The following LAMB1 variants were observed in gnomAD, a reference collection of about 807,000 sequenced individuals.
LAMB1 encodes laminin subunit beta-1.
Under a neutral mutation model 222.3 loss-of-function variants are expected in LAMB1, and 121 were observed. The observed-to-expected ratio is 0.54, with a 90% CI of 0.47 to 0.63. LAMB1 has a LOEUF of 0.63. Ranked by LOEUF, LAMB1 falls within the 30% of genes least tolerant of loss-of-function variation. The probability of loss-of-function intolerance (pLI) is 0.00; values close to 1 mark genes in which losing one functional copy is unlikely to be tolerated. For missense variants in LAMB1, 2,172 were observed against 2,240.8 expected, an observed-to-expected ratio of 0.97 and a Z score of 0.62; for synonymous variants, 794 against 807.2, an observed-to-expected ratio of 0.98 and a Z score of 0.28.
At chr7:107,969,102 C>A (rs2033692071) in intron 13 of LAMB1, among the ~76,000 whole-genome samples, 1 of 152,090 alleles carries the variant, frequency 6.6e-6, no homozygotes, top group Non-Finnish European at 1.5e-5. Context: ...TCCTGGCTAA[C>A]ACGGTGAAAC....
rs1379984543 is a variant in LAMB1, at chr7:108,001,618, C to T, written c.153G>A (p.Ser51=). ...TGTGCAGCCCGCACGTCGAGGTCAC[C>T]GAAAGCTTCTGTGCTCGGCCGATGA... The part of the protein sequence containing the change: ...DLLIGRAQKL[S]VTSTCGLHKP... The change falls in exon 3 of 34, where the codon TCG becomes TCA. Residue 51 remains serine, a synonymous_variant. Transcript: ENST00000222399. 6.2e-7 allele frequency: 1 copy of T among 1,613,178 alleles called. No individual in the cohort carries two copies. Among genetic ancestry groups the T allele is most frequent in the Non-Finnish European group, 8.5e-7 (1 of 1,179,816 alleles).
intron 2 of LAMB1, chr7:108,002,335 A>G (rs1476853229): frequency 7.6e-7 from 1 of 1,313,346 alleles, no homozygotes. Context: ...GGGGCTCTGG[A>G]GTGGTTTCAA....
intron 13 of LAMB1, among the ~76,000 whole-genome samples, chr7:107,971,674 G>A (rs139379415): frequency 1.5e-3 from 221 of 152,234 alleles, no homozygotes; most frequent in Non-Finnish European, 2.5e-3. Context: ...AGACAATTTT[G>A]CTTCCCAAAC....
intron 3 of LAMB1, 87 bp from the exon 4 acceptor site, chr7:107,998,579 C>A: frequency 8.7e-7 from 1 of 1,143,500 alleles, no homozygotes; most frequent in East Asian, 2.4e-5. Flanking sequence ...GCTCCTAATA[C>A]AAAAATCAAC....
chr7:107,960,359 G>C, intron 18 of LAMB1, 86 bp downstream of exon 18: 1 of 928,856 alleles, frequency 1.1e-6, no homozygotes, highest in Non-Finnish European at 1.7e-6. Context: ...CACAGGGCTA[G>C]GGGGTGGGCA....
chr7:107,975,147 AAAT>A lies in LAMB1; in HGVS notation c.1370-52_1370-50del, dbSNP rs577565061. The A allele has an allele frequency of 1.6e-4, 244 of 1,549,912 alleles. 2 individuals carry two copies. In the African/African-American group the frequency reaches 3.0e-3, roughly 19 times the overall value. On this transcript the variant is annotated intron_variant, in intron 11 of 33. Coordinates refer to ENST00000222399, the MANE Select transcript of LAMB1 (RefSeq NM_002291.3). ...GAGAAACACAGACCACGTGAGTTTC[AAAT>A]AATAATCTGGCTTTGGAATTACAAA...
intron 5 of LAMB1, among the ~76,000 whole-genome samples, chr7:107,986,596 TA>T (rs1479282662): frequency 6.6e-6 from 1 of 152,194 alleles, no homozygotes; most frequent in Non-Finnish European, 1.5e-5. Flanking sequence ...ACTGGATAAG[TA>T]AACTGTTTCT....
intron 27 of LAMB1, 180 bp from the exon 28 acceptor site, chr7:107,932,557 C>G: frequency 1.6e-6 from 1 of 610,040 alleles, no homozygotes; most frequent in African/African-American, 1.8e-5. Context: ...GTAAACTAAC[C>G]TGCTTATTTC....
rs2032731562 is a variant in LAMB1 at position 107,932,311 on chromosome 7, C to T, written c.4255G>A (p.Asp1419Asn). The T allele has an allele frequency of 3.1e-6, 5 of 1,614,088 alleles. No individual in the cohort carries two copies. Among genetic ancestry groups the T allele is most frequent in the Non-Finnish European group, 4.2e-6 (5 of 1,180,034 alleles). Residue 1419 changes from aspartate to asparagine, a missense_variant, in exon 28 of 34, where the codon GAC becomes AAC. Transcript: ENST00000222399. ...TECGGPNCRT[D>N]EGERKCGGPG... ...CCCCCACACTTCCTCTCTCCTTCGT[C>T]AGTTCTGCAGTTTGGCCCGCCACAT...
At chr7:107,971,102 T>C (rs1482493437) in intron 13 of LAMB1, among the ~76,000 whole-genome samples, 2 of 152,208 alleles carry the variant, frequency 1.3e-5, no homozygotes, top group Admixed American at 6.5e-5. Flanking sequence ...ACTTTTGTTG[T>C]ACTACCAAAA....
chr7:107,925,497 G>A (rs1357391042), intron 32 of LAMB1, among the ~76,000 whole-genome samples: 8 of 152,098 alleles, frequency 5.3e-5, no homozygotes, highest in African/African-American at 1.2e-4. Context: ...TTGTCTTCCA[G>A]GAAACTGGTC....
At chr7:107,982,950 G>A (rs537290027) in intron 7 of LAMB1, among the ~76,000 whole-genome samples, 9 of 152,260 alleles carry the variant, frequency 5.9e-5, no homozygotes, top group Admixed American at 2.0e-4. Context: ...CATCCTCCAA[G>A]TCCCACAAAT....
intron 25 of LAMB1, among the ~76,000 whole-genome samples, chr7:107,938,704 G>A (rs543346721): frequency 4.3e-4 from 65 of 152,124 alleles, no homozygotes; most frequent in Non-Finnish European, 6.9e-4. Flanking sequence ...GCTTGCATTC[G>A]GACCACGGCC....
In LAMB1 at chr7:107,960,536, C is replaced by A. The variant is rs754141476; in HGVS notation, c.2223G>T (p.Glu741Asp). The change falls in exon 18 of 34, where the codon GAG (glutamate) becomes GAT (aspartate). Residue 741 changes from glutamate to aspartate, a missense_variant. Physicochemically the swap from Glu to Asp is conservative, Grantham distance 45. Coordinates refer to ENST00000222399, the MANE Select transcript of LAMB1 (RefSeq NM_002291.3). Reference protein sequence around the residue: ...WETFQRYRCLENSRSVVKTPM... With the variant: ...WETFQRYRCLDNSRSVVKTPM... ...GTGTTTTCACAACGCTTCTGCTGTT[C>A]TCTAGACATCGGTATCTCTGAAAGG... The A allele has an allele frequency of 5.6e-6, 9 of 1,614,088 alleles. No individual in the cohort carries two copies. In the Admixed American group the frequency reaches 1.2e-4, roughly 21 times the overall value.
chr7:107,933,713 A>G (rs1404072243), intron 27 of LAMB1, among the ~76,000 whole-genome samples: 1 of 152,234 alleles, frequency 6.6e-6, no homozygotes, highest in Admixed American at 6.5e-5. Context: ...AATGGCAGTA[A>G]AGAACTTACA....
chr7:107,952,038 C>T lies in LAMB1; in HGVS notation c.3265G>A (p.Ala1089Thr). 1.9e-6 allele frequency: 3 copies of T among 1,613,294 alleles called. No individual in the cohort carries two copies. Among genetic ancestry groups the T allele is most frequent in the Non-Finnish European group, 2.5e-6 (3 of 1,179,520 alleles). The change falls in exon 23 of 34, where the codon GCT becomes ACT. Residue 1089 changes from alanine to threonine, a missense_variant. Transcript: ENST00000222399. ...TTGCAAGATGGCCCGAAGGAATGAG[C>T]AGCATTGCAGTTGCATGGGTCACAG... The part of the protein sequence containing the change: ...TGCDPCNCNA[A>T]HSFGPSCNEF...
At chr7:107,986,928 G>A (rs2034090082) in intron 5 of LAMB1, among the ~76,000 whole-genome samples, 1 of 152,244 alleles carries the variant, frequency 6.6e-6, no homozygotes, top group Admixed American at 6.5e-5. Flanking sequence ...CTGGAAAATC[G>A]AGCAATTCCA....
intron 13 of LAMB1, among the ~76,000 whole-genome samples, chr7:107,969,149 A>G (rs1361998223): frequency 6.6e-6 from 1 of 152,104 alleles, no homozygotes; most frequent in Non-Finnish European, 1.5e-5. Flanking sequence ...TTAGCCGGGC[A>G]TGGTGGCAGG....
chr7:107,940,092 C>A lies in LAMB1; in HGVS notation c.3658G>T (p.Val1220Leu), dbSNP rs569899492. The A allele has an allele frequency of 6.2e-7, 1 of 1,614,188 alleles. No individual in the cohort carries two copies. The highest frequency in any genetic ancestry group is 8.5e-7 in the Non-Finnish European group (1 of 1,180,042). ...SGVIGPYRET[V>L]DSVERKVSEI... Reference sequence around the variant, plus strand: ...CTGACTTTCCTCTCCACCGAGTCCACAGTCTCACGGTAAGGCCCGATCACA... The same window carrying A: ...CTGACTTTCCTCTCCACCGAGTCCAAAGTCTCACGGTAAGGCCCGATCACA... The change falls in exon 25 of 34, where the codon GTG (valine) becomes TTG (leucine). Residue 1220 changes from valine to leucine, a missense_variant. Val to Leu is a conservative substitution (Grantham distance 32). Transcript: ENST00000222399.
Sources: allele counts gnomAD v4.1 joint callset (sites outside exome capture counted in the v4.1 genomes callset), GRCh38; gene constraint gnomAD v4.1.1; transcripts MANE v1.5; gene names NCBI Gene and HGNC (gene_info 2026-07-23, HGNC 2026-07-21).